The following PLCB1 variants were observed in gnomAD, a reference collection of about 807,000 sequenced individuals.
PLCB1 encodes the protein 1-phosphatidylinositol 4,5-bisphosphate phosphodiesterase beta-1.
Under a neutral mutation model 161.8 loss-of-function variants are expected in PLCB1, and 46 were observed. The observed-to-expected ratio is 0.28, with a 90% CI of 0.22 to 0.36. PLCB1 has a LOEUF of 0.36. Ranked by LOEUF, PLCB1 falls within the 10% of genes least tolerant of loss-of-function variation. The pLI is 1.00. For synonymous variants in PLCB1, 517 were observed against 503.7 expected (o/e 1.03, Z -0.35); for missense variants, 1,016 against 1,472.5 (o/e 0.69, Z 5.07).
intron 2 of PLCB1, among the ~76,000 whole-genome samples, chr20:8,162,402 T>C (rs2051635611): frequency 6.6e-6 from 1 of 152,232 alleles, no homozygotes; most frequent in South Asian, 2.1e-4. Flanking sequence ...GTTATCTTAT[T>C]AAATTGTAGC....
At chr20:8,591,278 T>G (rs1568520665) in intron 3 of PLCB1, among the ~76,000 whole-genome samples, 1 of 152,152 alleles carries the variant, frequency 6.6e-6, no homozygotes, top group Non-Finnish European at 1.5e-5. Flanking sequence ...GTTTCCAGGA[T>G]TAAGACATAG....
chr20:8,366,529 T>G (rs1986716353), intron 2 of PLCB1, among the ~76,000 whole-genome samples: 1 of 152,242 alleles, frequency 6.6e-6, no homozygotes, highest in African/African-American at 2.4e-5. Flanking sequence ...CCAAGGTCTT[T>G]TGTCGAGGGA....
rs1206489907 is a variant in PLCB1 at position 8,523,490 on chromosome 20, C to CCATATATATATATATATATATATATATA, written c.247-104804_247-104803insCATATATATATATATATATATATATATA. 1.6e-3 allele frequency among the ~76,000 whole-genome samples: 105 copies of CCATATATATATATATATATATATATATA among 67,644 alleles called. 16 individuals are homozygous for CCATATATATATATATATATATATATATA. The highest frequency in any genetic ancestry group is 2.1e-3 in the Non-Finnish European group (70 of 33,672). 44.4% of individuals were successfully genotyped at this position (67,644 alleles called of 152,430 possible). ...GCTCTCTCTCTCTCTCTCTCTCTCT[C>CCATATATATATATATATATATATATATA]TCTCTCTATATATATATATATATAT... On this transcript the variant is annotated intron_variant, in intron 3 of 31. Coordinates refer to ENST00000338037, the MANE Select transcript of PLCB1 (RefSeq NM_015192.4).
At chr20:8,710,837 G>A (rs1270262530) in intron 12 of PLCB1, among the ~76,000 whole-genome samples, 1 of 152,104 alleles carries the variant, frequency 6.6e-6, no homozygotes. Context: ...TAGACAAAAT[G>A]AAAGGCTATG....
intron 3 of PLCB1, among the ~76,000 whole-genome samples, chr20:8,480,444 C>T (rs774261192): frequency 6.6e-6 from 1 of 152,106 alleles, no homozygotes; most frequent in East Asian, 1.9e-4. Context: ...TTCTGAAGAG[C>T]GTCACTGAGA....
Position 8,882,566 on chromosome 20 carries a change from C to A in PLCB1, c.*717C>A, listed in dbSNP as rs1275569072. The A allele has an allele frequency of 6.6e-6, 1 of 152,656 alleles. No homozygotes were observed. Among genetic ancestry groups the A allele is most frequent in the South Asian group, 2.1e-4 (1 of 4,828 alleles). 9.5% of individuals were successfully genotyped at this position (152,656 alleles called of 1,614,324 possible). ...CATTTGGCTGCATGAGCAAGTCGGC[C>A]GCACACTTCCAGACAGTGTGCTGTT... is the stretch of plus-strand genomic sequence containing the variant. On this transcript the variant is annotated 3_prime_UTR_variant, in exon 32 of 32. Coordinates refer to ENST00000338037, the MANE Select transcript of PLCB1 (RefSeq NM_015192.4).
intron 2 of PLCB1, among the ~76,000 whole-genome samples, chr20:8,302,990 C>CT (rs1301314251): frequency 6.6e-6 from 1 of 152,204 alleles, no homozygotes; most frequent in African/African-American, 2.4e-5. Flanking sequence ...GGTGTACCCA[C>CT]TGCTATGCTG....
intron 26 of PLCB1, among the ~76,000 whole-genome samples, chr20:8,769,390 G>T (rs1982550787): frequency 2.0e-5 from 3 of 150,686 alleles, no homozygotes; most frequent in Admixed American, 2.0e-4. Context: ...TATATATATA[G>T]CATTTTAATG....
intron 31 of PLCB1, among the ~76,000 whole-genome samples, chr20:8,865,153 TC>T (rs1347216726): frequency 6.6e-6 from 1 of 152,222 alleles, no homozygotes; most frequent in Non-Finnish European, 1.5e-5. Context: ...GAGTTTTTTT[TC>T]ATCCTTGCAC....
At chr20:8,309,856 A>G (rs1984312742) in intron 2 of PLCB1, among the ~76,000 whole-genome samples, 1 of 152,148 alleles carries the variant, frequency 6.6e-6, no homozygotes, top group South Asian at 2.1e-4. Context: ...GAAAGGGATT[A>G]GCACGCTAGC....
At chr20:8,459,633 A>T (rs1212057160) in intron 3 of PLCB1, among the ~76,000 whole-genome samples, 1 of 152,242 alleles carries the variant, frequency 6.6e-6, no homozygotes, top group Non-Finnish European at 1.5e-5. Context: ...TGTGAAGGTT[A>T]TGAAAAACTT....
chr20:8,655,222 A>G (rs1989425694), intron 7 of PLCB1, among the ~76,000 whole-genome samples: 1 of 152,176 alleles, frequency 6.6e-6, no homozygotes, highest in Admixed American at 6.6e-5. Flanking sequence ...ACTCTTACGT[A>G]AATGATGTTA....
intron 3 of PLCB1, among the ~76,000 whole-genome samples, chr20:8,546,550 T>C (rs1985557276): frequency 1.3e-5 from 2 of 152,152 alleles, no homozygotes; most frequent in South Asian, 4.1e-4. Flanking sequence ...ACTGAGACCA[T>C]ACACTTAAGC....
chr20:8,238,682 G>C (rs1244509039), intron 2 of PLCB1, among the ~76,000 whole-genome samples: 2 of 151,992 alleles, frequency 1.3e-5, no homozygotes, highest in African/African-American at 4.8e-5. Context: ...TTAAAAAAAA[G>C]ATGAAATAAG....
intron 2 of PLCB1, among the ~76,000 whole-genome samples, chr20:8,312,878 C>A (rs1245122252): frequency 6.6e-6 from 1 of 151,830 alleles, no homozygotes. Flanking sequence ...CTCTCCTGTG[C>A]TTGAAATTGT....
At chr20:8,466,037 C>T (rs1221875224) in intron 3 of PLCB1, among the ~76,000 whole-genome samples, 33 of 142,280 alleles carry the variant, frequency 2.3e-4, no homozygotes, top group African/African-American at 5.8e-4. Flanking sequence ...ATGTTTATTG[C>T]GGCATTATTC....
intron 4 of PLCB1, among the ~76,000 whole-genome samples, chr20:8,633,306 T>A (rs1325109310): frequency 6.6e-6 from 1 of 152,184 alleles, no homozygotes; most frequent in Non-Finnish European, 1.5e-5. Context: ...TAGAATATAA[T>A]TTTTTGTTTA....
At chr20:8,268,102 G>T (rs1982073408) in intron 2 of PLCB1, among the ~76,000 whole-genome samples, 1 of 152,014 alleles carries the variant, frequency 6.6e-6, no homozygotes. Flanking sequence ...ATCTCCTAAT[G>T]CTATCCCTCC....
intron 2 of PLCB1, among the ~76,000 whole-genome samples, chr20:8,193,030 A>G (rs1248996879): frequency 6.6e-6 from 1 of 152,034 alleles, no homozygotes; most frequent in Middle Eastern, 3.2e-3. Context: ...AGTGAAGTCC[A>G]GCCCAGGAAT....
Sources: gnomAD v4.1 joint callset for allele counts (sites outside exome capture counted in the v4.1 genomes callset) on GRCh38, gnomAD v4.1.1 for gene constraint, MANE v1.5 for transcripts, NCBI Gene and HGNC (gene_info 2026-07-23, HGNC 2026-07-21) for gene names.